Variants in SEMA3E observed in about 807,000 individuals in gnomAD.
SEMA3E encodes the protein semaphorin 3E, also known as semaphorin-3E.
A neutral mutation model predicts 93.6 loss-of-function variants in SEMA3E; 49 were observed. That is an observed-to-expected ratio of 0.52 (90% confidence interval 0.42 to 0.66). SEMA3E has a LOEUF of 0.66. Ranked by LOEUF, SEMA3E falls within the 30% of genes least tolerant of loss-of-function variation. The pLI is 0.00. For missense variants in SEMA3E, 906 were observed against 964.8 expected, an observed-to-expected ratio of 0.94 and a Z score of 0.81; for synonymous variants, 363 against 330.7, an observed-to-expected ratio of 1.10 and a Z score of -1.06.
rs1208070720 is a variant in SEMA3E at position 83,367,678 on chromosome 7, G to A, written c.2236C>T (p.Pro746Ser). ...DRKRKKLKMS[P>S]SKWKYANPQE... is the part of the protein sequence containing the mutation. ...GGGTTGGCATACTTCCACTTGGAGG[G>A]TGACATTTTAAGCTTTTTCCTCTTT... The change falls in exon 17 of 17, where the codon CCC (proline) becomes TCC (serine). Residue 746 changes from proline (P) to serine (S), a missense_variant. Physicochemically the swap from Pro to Ser is moderately conservative, Grantham distance 74. Transcript: ENST00000643230. 6.2e-7 allele frequency: 1 copy of A among 1,614,096 alleles called. No individual in the cohort carries two copies. Among genetic ancestry groups the A allele is most frequent in the Non-Finnish European group, 8.5e-7 (1 of 1,180,014 alleles).
chr7:83,533,884 T>A (rs1480651224), intron 1 of SEMA3E, among the ~76,000 whole-genome samples: 5 of 152,172 alleles, frequency 3.3e-5, no homozygotes, highest in Admixed American at 6.5e-5. Flanking sequence ...CAGCTGTGGT[T>A]TAGGCTATTG....
At chr7:83,474,200 A>C (rs1422057933) in intron 2 of SEMA3E, among the ~76,000 whole-genome samples, 1 of 152,062 alleles carries the variant, frequency 6.6e-6, no homozygotes, top group Admixed American at 6.6e-5. Flanking sequence ...CCAGAAGTGA[A>C]AGAGGCTTGT....
chr7:83,561,321 T>C (rs1792026228), intron 1 of SEMA3E, among the ~76,000 whole-genome samples: 1 of 152,122 alleles, frequency 6.6e-6, no homozygotes, highest in Non-Finnish European at 1.5e-5. Flanking sequence ...TATTCATCTT[T>C]CTATTCTCCA....
chr7:83,465,845 T>C (rs1789744398), intron 4 of SEMA3E, among the ~76,000 whole-genome samples: 1 of 152,108 alleles, frequency 6.6e-6, no homozygotes, highest in Non-Finnish European at 1.5e-5. Flanking sequence ...CAGGAATAGG[T>C]TATATGACTG....
In SEMA3E at chr7:83,533,379, C is replaced by T. The variant is rs1028715577; in HGVS notation, c.116-43105G>A. Among the ~76,000 whole-genome samples the T allele has an allele frequency of 4.0e-5, 6 of 151,642 alleles. No homozygotes were observed. In the East Asian group the frequency reaches 7.8e-4, roughly 20 times the overall value. Reference sequence around the variant, plus strand: ...CAACATGGCAAAACCCCATCTCTACCGAAAAAATACAAAAATTAGCCAGTC... The same window carrying T: ...CAACATGGCAAAACCCCATCTCTACTGAAAAAATACAAAAATTAGCCAGTC... On this transcript the variant is annotated intron_variant, in intron 1 of 16. Transcript: ENST00000643230.
At chr7:83,405,787 C>G (rs540774329) in intron 8 of SEMA3E, among the ~76,000 whole-genome samples, 158 bp downstream of exon 8, 2 of 152,118 alleles carry the variant, frequency 1.3e-5, no homozygotes, top group African/African-American at 4.8e-5. Context: ...CCTTTTCCCC[C>G]AGCATGCGTG....
In SEMA3E at chr7:83,505,014, T is replaced by A. The variant is rs563758327; in HGVS notation, c.116-14740A>T. Among the ~76,000 whole-genome samples the A allele has an allele frequency of 1.8e-3, 267 of 152,314 alleles. 1 individual carries two copies. Among genetic ancestry groups the A allele is most frequent in the African/African-American group, 6.2e-3 (258 of 41,576 alleles). Reference sequence around the variant, plus strand: ...CTTATTCATTTTGCTTATTACAAGTTACAATAACAAAAGAAGTTGTATAAA... The same window carrying A: ...CTTATTCATTTTGCTTATTACAAGTAACAATAACAAAAGAAGTTGTATAAA... On this transcript the variant is annotated intron_variant, in intron 1 of 16. Transcript: ENST00000643230.
intron 16 of SEMA3E, among the ~76,000 whole-genome samples, chr7:83,379,371 AC>A (rs1484276080): frequency 6.6e-6 from 1 of 151,758 alleles, no homozygotes; most frequent in Non-Finnish European, 1.5e-5. Context: ...TGCACCTGTA[AC>A]CCCCAAATTT....
rs1380546874 is a variant in SEMA3E at position 83,406,051 on chromosome 7, T to G, written c.822A>C (p.Val274=). The G allele has an allele frequency of 6.2e-7, 1 of 1,611,440 alleles. No individual in the cohort carries two copies. Among genetic ancestry groups the G allele is most frequent in the East Asian group, 2.2e-5 (1 of 44,814 alleles). ...TATTCACCAGTATTCTCTGCCCTCC[T>G]ACATCATTCTGTGAAAACCAAAAAG... ...TRVGRLCVND[V]GGQRILVNKW... is the part of the protein sequence containing the mutation. Residue 274 remains valine, a synonymous_variant, in exon 8 of 17, where the codon GTA becomes GTC. Transcript: ENST00000643230.
At chr7:83,579,637 T>C (rs1463423338) in intron 1 of SEMA3E, among the ~76,000 whole-genome samples, 4 of 152,130 alleles carry the variant, frequency 2.6e-5, no homozygotes, top group Non-Finnish European at 5.9e-5. Flanking sequence ...CAAAATGGCT[T>C]GTACCAGGTC....
At chr7:83,432,141 T>G (rs551898377) in intron 4 of SEMA3E, among the ~76,000 whole-genome samples, 1 of 152,098 alleles carries the variant, frequency 6.6e-6, no homozygotes, top group African/African-American at 2.4e-5. Context: ...CTGCAGCCAT[T>G]TGAATATTCT....
rs140139018 is a variant in SEMA3E at position 83,519,973 on chromosome 7, T to C, written c.116-29699A>G. On this transcript the variant is annotated intron_variant, in intron 1 of 16. Transcript: ENST00000643230. ...CCCAAAACTTTTACTAGCTTCTCAA[T>C]CTAAAGCTTGTCACATCATAGATGC... is the stretch of plus-strand genomic sequence containing the variant. 4.3e-3 allele frequency among the ~76,000 whole-genome samples: 658 copies of C among 152,248 alleles called. 5 individuals are homozygous for C. The highest frequency in any genetic ancestry group is 0.015 in the African/African-American group (616 of 41,550).
At chr7:83,402,840 C>A (rs1195698653) in intron 9 of SEMA3E, 64 bp from the exon 10 acceptor site, 7 of 1,481,100 alleles carry the variant, frequency 4.7e-6, no homozygotes, top group Non-Finnish European at 6.5e-6. Context: ...AGCCAAATAC[C>A]CCAGCCTACA....
At chr7:83,624,485 C>T (rs2115645104) in intron 1 of SEMA3E, among the ~76,000 whole-genome samples, 1 of 152,226 alleles carries the variant, frequency 6.6e-6, no homozygotes, top group Non-Finnish European at 1.5e-5. Flanking sequence ...TGATGATAAG[C>T]TTTTTTCCTA....
chr7:83,489,519 A>G (rs1790336035), intron 2 of SEMA3E, among the ~76,000 whole-genome samples: 1 of 152,002 alleles, frequency 6.6e-6, no homozygotes, highest in Admixed American at 6.6e-5. Flanking sequence ...CTAAATATTT[A>G]TGTATGTTTT....
At chr7:83,465,266 C>T (rs940932789) in intron 4 of SEMA3E, among the ~76,000 whole-genome samples, 5 of 152,182 alleles carry the variant, frequency 3.3e-5, no homozygotes, top group African/African-American at 7.2e-5. Context: ...CGGCCCCACC[C>T]TTATCTCCCT....
At chr7:83,397,470 A>G (rs1788148640) in intron 11 of SEMA3E, among the ~76,000 whole-genome samples, 1 of 152,128 alleles carries the variant, frequency 6.6e-6, no homozygotes, top group Non-Finnish European at 1.5e-5. Flanking sequence ...AACTCATCAT[A>G]TATATAAAAC....
At chr7:83,443,494 A>AT (rs2115792145) in intron 4 of SEMA3E, among the ~76,000 whole-genome samples, 2 of 152,328 alleles carry the variant, frequency 1.3e-5, no homozygotes, top group South Asian at 4.1e-4. Context: ...GCAAAGGTTT[A>AT]TTTGCACAGC....
At chr7:83,487,541 T>C (rs1028291185) in intron 2 of SEMA3E, among the ~76,000 whole-genome samples, 1 of 151,264 alleles carries the variant, frequency 6.6e-6, no homozygotes. Flanking sequence ...AGTAAGTAGA[T>C]GGTATCAGAG....
Sources: gnomAD v4.1 joint callset for allele counts (sites outside exome capture counted in the v4.1 genomes callset) on GRCh38, gnomAD v4.1.1 for gene constraint, MANE v1.5 for transcripts, NCBI Gene and HGNC (gene_info 2026-07-23, HGNC 2026-07-21) for gene names.